RELCH: variants seen among roughly 807,000 people sequenced by gnomAD.
RELCH encodes the protein RAB11-binding protein RELCH.
In RELCH, 41 loss-of-function variants were observed where a neutral mutation model predicts 150.3. The observed-to-expected ratio is 0.27, with a 90% CI of 0.21 to 0.35. The LOEUF (loss-of-function observed/expected upper bound fraction) is 0.35. Among genes scored for constraint, RELCH ranks in the 10% least tolerant of loss-of-function variants. RELCH has a pLI of 1.00. For synonymous variants in RELCH, 478 were observed against 531.8 expected (o/e 0.90, Z 1.39); for missense variants, 1,092 against 1,467.8 (o/e 0.74, Z 4.18).
chr18:62,275,291 C>A, intron 21 of RELCH, 83 bp from the exon 22 acceptor site: 2 of 624,104 alleles, frequency 3.2e-6, no homozygotes, highest in African/African-American at 1.9e-5. Context: ...CATTAATATT[C>A]CTTATAAATA....
chr18:62,207,658 T>C (rs1421492895), intron 1 of RELCH, among the ~76,000 whole-genome samples: 1 of 152,236 alleles, frequency 6.6e-6, no homozygotes, highest in Non-Finnish European at 1.5e-5. Flanking sequence ...TTGTCTTGTC[T>C]TTTTATTAAA....
At chr18:62,286,847 G>A (rs1322728466) in intron 25 of RELCH, among the ~76,000 whole-genome samples, 1 of 152,166 alleles carries the variant, frequency 6.6e-6, no homozygotes, top group Non-Finnish European at 1.5e-5. Flanking sequence ...TCAGCCGCCA[G>A]TGCTGTTTGA....
chr18:62,223,358 T>C (rs1182587504), intron 5 of RELCH, among the ~76,000 whole-genome samples: 4 of 152,058 alleles, frequency 2.6e-5, no homozygotes, highest in Non-Finnish European at 5.9e-5. Context: ...TAACTTTTCT[T>C]GTAAGAAGAC....
chr18:62,197,638 G>C (rs2039134867), intron 1 of RELCH, among the ~76,000 whole-genome samples: 1 of 152,156 alleles, frequency 6.6e-6, no homozygotes, highest in Non-Finnish European at 1.5e-5. Context: ...TTTAAGGATA[G>C]ATTCCTCATA....
At chr18:62,219,904 A>G (rs2040741693) in intron 2 of RELCH, among the ~76,000 whole-genome samples, 1 of 152,050 alleles carries the variant, frequency 6.6e-6, no homozygotes, top group Non-Finnish European at 1.5e-5. Flanking sequence ...TTTTATGTGT[A>G]TTAGTCAGTT....
intron 5 of RELCH, among the ~76,000 whole-genome samples, chr18:62,221,891 A>T (rs532809926): frequency 6.6e-6 from 1 of 152,010 alleles, no homozygotes. Context: ...TTAGATAAAT[A>T]TATGACAGTA....
chr18:62,204,371 C>T (rs988404997), intron 1 of RELCH, among the ~76,000 whole-genome samples: 2 of 151,944 alleles, frequency 1.3e-5, no homozygotes, highest in African/African-American at 2.4e-5. Context: ...AGTCTCCCTC[C>T]GTCACCCAGG....
At chr18:62,236,818 T>C (rs1479132923) in intron 10 of RELCH, among the ~76,000 whole-genome samples, 1 of 151,846 alleles carries the variant, frequency 6.6e-6, no homozygotes, top group Non-Finnish European at 1.5e-5. Context: ...CATTTATCTC[T>C]GTAATCTTTA....
rs191232377 is a variant in RELCH, at chr18:62,224,103, C to T, written c.858+2606C>T. ...CATTTACATTAGGCATTTCTCCTAACGCTATCCCTCCCCCAGCCCCTCATG... is the reference window on the plus strand; with the variant it reads ...CATTTACATTAGGCATTTCTCCTAATGCTATCCCTCCCCCAGCCCCTCATG... On this transcript the variant is annotated intron_variant, in intron 5 of 28. Coordinates refer to ENST00000644646, the MANE Select transcript of RELCH (RefSeq NM_001346231.2). 2.5e-3 allele frequency among the ~76,000 whole-genome samples: 376 copies of T among 152,142 alleles called. 1 individual carries two copies. The highest frequency in any genetic ancestry group is 7.9e-3 in the African/African-American group (329 of 41,526).
intron 10 of RELCH, among the ~76,000 whole-genome samples, chr18:62,235,962 T>C (rs2041857910): frequency 1.3e-5 from 2 of 152,044 alleles, no homozygotes; most frequent in South Asian, 4.1e-4. Flanking sequence ...CTTGCTTAAT[T>C]GCTCTGGCTA....
At chr18:62,240,458 G>A (rs2042093213) in intron 10 of RELCH, among the ~76,000 whole-genome samples, 1 of 148,008 alleles carries the variant, frequency 6.8e-6, no homozygotes, top group South Asian at 2.1e-4. Context: ...ACCCAGGCTG[G>A]AGTACAGTGG....
intron 22 of RELCH, among the ~76,000 whole-genome samples, chr18:62,279,172 C>T (rs1274789615): frequency 3.9e-5 from 6 of 152,128 alleles, no homozygotes; most frequent in Admixed American, 1.3e-4. Flanking sequence ...GGAGAACTGA[C>T]GTCTGAACCC....
chr18:62,250,361 T>C (rs989658565), intron 11 of RELCH, among the ~76,000 whole-genome samples: 2 of 152,220 alleles, frequency 1.3e-5, no homozygotes, highest in Non-Finnish European at 2.9e-5. Context: ...TTCAAAACGC[T>C]TTTTAAGAAA....
intron 1 of RELCH, among the ~76,000 whole-genome samples, chr18:62,206,604 TTAAG>T (rs1485423487): frequency 6.6e-6 from 1 of 152,214 alleles, no homozygotes; most frequent in Non-Finnish European, 1.5e-5. Context: ...TATGTATACT[TTAAG>T]TACTGTGTAA....
chr18:62,236,332 C>T (rs906643569), intron 10 of RELCH, among the ~76,000 whole-genome samples: 34 of 151,838 alleles, frequency 2.2e-4, no homozygotes, highest in African/African-American at 8.2e-4. Flanking sequence ...GTTTATAAAC[C>T]TTCTAATGTG....
chr18:62,221,012 G>A (rs771681668), intron 2 of RELCH, 25 bp from the exon 3 acceptor site: 3 of 1,587,410 alleles, frequency 1.9e-6, no homozygotes, highest in Non-Finnish European at 2.6e-6. Flanking sequence ...ATGCCTGTGT[G>A]TGTTTATTCC....
chr18:62,187,619 A>G lies in RELCH; in HGVS notation c.114A>G (p.Val38=). ...CTGCAACAGAGGAACGGCGGGCAGT[A>G]CTTCGGCTGGGCGCCGGAAGTGGCC... ...EVAATEERRA[V]LRLGAGSGLD... Residue 38 remains valine (V), a synonymous_variant, in exon 1 of 29, where the codon GTA becomes GTG. Coordinates refer to ENST00000644646, the MANE Select transcript of RELCH (RefSeq NM_001346231.2). 1 of 1,536,982 alleles carries G rather than the reference A, an allele frequency of 6.5e-7. No homozygotes were observed. Among genetic ancestry groups the G allele is most frequent in the Non-Finnish European group, 8.8e-7 (1 of 1,140,284 alleles).
At chr18:62,237,228 TC>T (rs2041921336) in intron 10 of RELCH, among the ~76,000 whole-genome samples, 1 of 151,858 alleles carries the variant, frequency 6.6e-6, no homozygotes, top group Admixed American at 6.6e-5. Context: ...TGGAGAACGT[TC>T]TGTGTGCATT....
intron 1 of RELCH, among the ~76,000 whole-genome samples, chr18:62,193,675 G>A (rs1298259441): frequency 2.0e-5 from 3 of 152,116 alleles, no homozygotes; most frequent in Non-Finnish European, 4.4e-5. Flanking sequence ...TTACTGATTT[G>A]TGTATGTTGA....
Sources: gnomAD v4.1 joint callset for allele counts (sites outside exome capture counted in the v4.1 genomes callset) on GRCh38, gnomAD v4.1.1 for gene constraint, MANE v1.5 for transcripts, NCBI Gene and HGNC (gene_info 2026-07-23, HGNC 2026-07-21) for gene names.